The following UMOD variants were observed in gnomAD, a reference collection of about 807,000 sequenced individuals.
The protein encoded by UMOD is uromodulin.
A neutral mutation model predicts 66.0 loss-of-function variants in UMOD; 64 were observed. That is an observed-to-expected ratio of 0.97 (90% CI 0.79 to 1.19). The LOEUF (loss-of-function observed/expected upper bound fraction) is 1.19. Among genes scored for constraint, UMOD ranks in the 50% most tolerant of loss-of-function variants. The pLI is 0.00. For missense variants in UMOD, 764 were observed against 850.9 expected (o/e 0.90, Z 1.27); for synonymous variants, 398 against 352.7 (o/e 1.13, Z -1.44).
chr16:20,345,650 G>T (rs1886091498), intron 5 of UMOD, among the ~76,000 whole-genome samples: 1 of 150,402 alleles, frequency 6.6e-6, no homozygotes, highest in South Asian at 2.1e-4. Context: ...ATAATGCTCT[G>T]CTCACACAAA....
Position 20,348,585 on chromosome 16 carries a change from T to C in UMOD, c.716A>G (p.Asp239Gly). Residue 239 changes from aspartate to glycine, a missense_variant, in exon 3 of 11, where the codon GAC becomes GGC. By Grantham distance (94) the Asp-to-Gly change is moderately conservative (BLOSUM62 -1). Transcript: ENST00000396138. ...GGCCTTGCGGCTCACGATGCCCTCG[T>C]CGCTGGACGGATGCGTGCCATTGAG... ...MWLNGTHPSS[D>G]EGIVSRKACA... 1 of 1,593,834 alleles carries C rather than the reference T, an allele frequency of 6.3e-7. No homozygotes were observed. Among genetic ancestry groups the C allele is most frequent in the Non-Finnish European group, 8.5e-7 (1 of 1,175,098 alleles).
intron 7 of UMOD, among the ~76,000 whole-genome samples, chr16:20,340,242 T>C (rs1267937679): frequency 1.3e-5 from 2 of 152,088 alleles, no homozygotes; most frequent in Non-Finnish European, 2.9e-5. Flanking sequence ...TATGGTGGTG[T>C]GTGCCTGTAG....
rs369335930 is a variant in UMOD at position 20,333,329 on chromosome 16, G to A, written c.1908C>T (p.Thr636=). 2 of 1,613,226 alleles carry A rather than the reference G, an allele frequency of 1.2e-6. No individual in the cohort carries two copies. The highest frequency in any genetic ancestry group is 1.1e-5 in the South Asian group (1 of 90,868). Residue 636 remains threonine, a synonymous_variant, in exon 11 of 11, where the codon ACC becomes ACT. Transcript: ENST00000396138. ...WLPLLLSATL[T]LTFQ is the part of the protein sequence containing the mutation. ...CCGCTGTCAGTCACTGAAAAGTCAG[G>A]GTCAAGGTGGCCGAGAGAAGCAGAG...
At chr16:20,350,556 G>A in intron 2 of UMOD, 94 bp downstream of exon 2, 4 of 1,473,212 alleles carry the variant, frequency 2.7e-6, no homozygotes, top group Non-Finnish European at 3.7e-6. Flanking sequence ...GGAGGATTGA[G>A]ATCACCTCTG....
intron 9 of UMOD, among the ~76,000 whole-genome samples, chr16:20,335,921 T>A (rs1308516754): frequency 6.6e-6 from 1 of 152,238 alleles, no homozygotes; most frequent in Non-Finnish European, 1.5e-5. Context: ...GTTCTAACTT[T>A]TAAGCTGTGC....
chr16:20,339,454 A>T (rs2141641475), intron 7 of UMOD, among the ~76,000 whole-genome samples: 1 of 152,376 alleles, frequency 6.6e-6, no homozygotes, highest in East Asian at 1.9e-4. Context: ...GGACCATACA[A>T]TGAGGACAAG....
chr16:20,343,762 T>C (rs1040366017), intron 6 of UMOD, among the ~76,000 whole-genome samples: 1 of 152,208 alleles, frequency 6.6e-6, no homozygotes, highest in Non-Finnish European at 1.5e-5. Context: ...CTCAAGCTCA[T>C]ACAACTAGTA....
At chr16:20,343,367 A>G (rs561073946) in intron 6 of UMOD, among the ~76,000 whole-genome samples, 6 of 152,294 alleles carry the variant, frequency 3.9e-5, no homozygotes, top group Non-Finnish European at 7.4e-5. Context: ...ACTTGCAAGG[A>G]GCGTAATTTT....
intron 5 of UMOD, among the ~76,000 whole-genome samples, chr16:20,345,226 C>T (rs915962413): frequency 6.6e-6 from 1 of 152,114 alleles, no homozygotes; most frequent in South Asian, 2.1e-4. Flanking sequence ...GTTGGCCAGG[C>T]TGGTCTCAAA....
rs1375336349 is a variant in UMOD at position 20,345,401 on chromosome 16, TTTC to T, written c.1182+722_1182+724del. Among the ~76,000 whole-genome samples the T allele has an allele frequency of 6.0e-4, 46 of 76,352 alleles. No homozygotes were observed. In the South Asian group the frequency reaches 0.019, roughly 31 times the overall value. The allele number at this position is 76,352 out of a possible 152,430, so 50.1% of individuals were successfully genotyped here. A position where few individuals can be genotyped will look rare whatever the true frequency, so the allele number is the denominator to read the frequency against. ...CCTTCCTTCCTTTCTTTTCTTTTTT[TTTC>T]TTTCTTTCTTTCTTTCTTTCTTTCT... On this transcript the variant is annotated intron_variant, in intron 5 of 10. Transcript: ENST00000396138.
intron 6 of UMOD, among the ~76,000 whole-genome samples, chr16:20,343,472 G>A (rs1965358247): frequency 6.6e-6 from 1 of 152,180 alleles, no homozygotes; most frequent in Non-Finnish European, 1.5e-5. Context: ...TTCCATAGCA[G>A]TCTGGACTGA....
chr16:20,348,763 G>C lies in UMOD; in HGVS notation c.538C>G (p.Leu180Val), dbSNP rs187555378. Residue 180 changes from leucine (L) to valine (V), a missense_variant, in exon 3 of 11, where the codon CTG becomes GTG. By Grantham distance (32) the Leu-to-Val change is conservative (BLOSUM62 1). Transcript: ENST00000396138. ...CADPCQAHRT[L>V]DEYWRSTEYG... is the part of the protein sequence containing the mutation. ...TCGGTGCTGCGCCAGTACTCGTCCA[G>C]GGTGCGGTGCGCCTGGCACGGATCC... 2,666 of 1,543,812 alleles carry C rather than the reference G, an allele frequency of 1.7e-3. 43 individuals are homozygous for C. In the African/African-American group the frequency reaches 0.033, roughly 19 times the overall value.
intron 1 of UMOD, chr16:20,351,341 A>G (rs1965884491): frequency 5.8e-6 from 1 of 172,498 alleles, no homozygotes; most frequent in Non-Finnish European, 1.3e-5. Context: ...GAGCAACTTG[A>G]GAGGTAATTA....
chr16:20,343,358 C>T (rs542337602), intron 6 of UMOD, among the ~76,000 whole-genome samples: 1 of 152,278 alleles, frequency 6.6e-6, no homozygotes, highest in African/African-American at 2.4e-5. Context: ...TACCAAGACA[C>T]TTGCAAGGAG....
In UMOD at chr16:20,349,158, G is replaced by T. The variant is rs772008530; in HGVS notation, c.143C>A (p.Thr48Lys). The stretch of plus-strand genomic sequence containing the variant: ...GAAGCCCTCCTGACAGGTGCACGTC[G>T]TAACGGCCTCATCCTCCGTGCAGGT... ...NATCTEDEAV[T>K]TCTCQEGFTG... The change falls in exon 3 of 11, where the codon ACG (threonine) becomes AAG (lysine). Residue 48 changes from threonine (T) to lysine (K), a missense_variant. Thr to Lys is a moderately conservative substitution (Grantham distance 78, BLOSUM62 -1). Coordinates refer to ENST00000396138, the MANE Select transcript of UMOD (RefSeq NM_003361.4). 5 of 1,613,948 alleles carry T rather than the reference G, an allele frequency of 3.1e-6. No individual in the cohort carries two copies. In the South Asian group the frequency reaches 5.5e-5, roughly 18 times the overall value.
rs148980017 is a variant in UMOD, at chr16:20,350,664, T to A, written c.74A>T (p.Asp25Val). 7 of 1,614,180 alleles carry A rather than the reference T, an allele frequency of 4.3e-6. No individual in the cohort carries two copies. Among genetic ancestry groups the A allele is most frequent in the Non-Finnish European group, 5.9e-6 (7 of 1,180,032 alleles). ...TTTTCACTTACTTGCTTCTGAGGTG[T>A]CAGTGGCTGCAGTTGTGATGAACCA... ...ASWFITTAAT[D>V]TSEARWCSEC... The change falls in exon 2 of 11, where the codon GAC (aspartate) becomes GTC (valine). Residue 25 changes from aspartate (D) to valine (V), a missense_variant. Coordinates refer to ENST00000396138, the MANE Select transcript of UMOD (RefSeq NM_003361.4).
In UMOD at chr16:20,347,577, A is replaced by G. The variant is rs369070000; in HGVS notation, c.973+646T>C. On this transcript the variant is annotated intron_variant, in intron 4 of 10. Transcript: ENST00000396138. ...GGTAAGCATAACTTGCCACAGACAG[A>G]TGAAGTCCTGACCATCAACATTCCA... Among the ~76,000 whole-genome samples, 4 of 152,318 alleles carry G rather than the reference A, an allele frequency of 2.6e-5. No homozygotes were observed. In the South Asian group the frequency reaches 8.3e-4, roughly 32 times the overall value.
chr16:20,348,673 C>A lies in UMOD; in HGVS notation c.628G>T (p.Gly210Cys). The A allele has an allele frequency of 6.4e-7, 1 of 1,554,492 alleles. No individual in the cohort carries two copies. The change falls in exon 3 of 11, where the codon GGT (glycine) becomes TGT (cysteine). Residue 210 changes from glycine to cysteine, a missense_variant. Gly to Cys is a radical substitution (Grantham distance 159). Transcript: ENST00000396138. ...RGWYRFVGQG[G>C]ARMAETCVPV... Reference sequence around the variant, plus strand: ...ACGCAGGTCTCGGCCATGCGCGCACCGCCCTGGCCCACGAAGCGGTACCAG... The same window carrying A: ...ACGCAGGTCTCGGCCATGCGCGCACAGCCCTGGCCCACGAAGCGGTACCAG...
chr16:20,344,600 C>A (rs1331897176), intron 5 of UMOD, among the ~76,000 whole-genome samples: 104 of 126,388 alleles, frequency 8.2e-4, no homozygotes, highest in East Asian at 3.7e-3. Flanking sequence ...GATTCCATCT[C>A]AAAAAAAAAA....
Sources: gnomAD v4.1 joint callset for allele counts (sites outside exome capture counted in the v4.1 genomes callset) on GRCh38, gnomAD v4.1.1 for gene constraint, MANE v1.5 for transcripts, NCBI Gene and HGNC (gene_info 2026-07-23, HGNC 2026-07-21) for gene names.